SRSF12: variants seen among roughly 807,000 people sequenced by gnomAD.
SRSF12 encodes serine and arginine rich splicing factor 12, also known as serine/arginine-rich splicing factor 12.
SRSF12 carries 21 observed loss-of-function variants against 34.1 expected under a neutral mutation model. The ratio of observed to expected loss-of-function variants is 0.62; its 90% CI spans 0.44 to 0.89. The LOEUF (loss-of-function observed/expected upper bound fraction) is 0.89. Among genes scored for constraint, SRSF12 ranks in the 40% least tolerant of loss-of-function variants. The pLI is 0.00. For missense variants in SRSF12, 278 were observed against 327.8 expected, an observed-to-expected ratio of 0.85 and a Z score of 1.17; for synonymous variants, 111 against 110.8, an observed-to-expected ratio of 1.00 and a Z score of -0.01.
chr6:89,109,940 A>C (rs1422403802), intron 1 of SRSF12, among the ~76,000 whole-genome samples: 1 of 152,030 alleles, frequency 6.6e-6, no homozygotes, highest in African/African-American at 2.4e-5. Flanking sequence ...AAATACAAAA[A>C]ATTAACTGGG....
chr6:89,112,580 CTT>C (rs200726634), intron 1 of SRSF12, among the ~76,000 whole-genome samples: 1 of 144,258 alleles, frequency 6.9e-6, no homozygotes. Context: ...GCCCGGCTAA[CTT>C]TTTTTTTTTG....
In SRSF12 at chr6:89,117,780, C is replaced by T; in HGVS notation, c.65+43G>A. On this transcript the variant is annotated intron_variant, in intron 1 of 4. Transcript: ENST00000452027. ...GTGCTCCGCGGCGCGGCTGTTACCC[C>T]GCCCCTCCTCCGCGCCCCCAACCTG... 2.0e-6 allele frequency: 3 copies of T among 1,520,430 alleles called. No homozygotes were observed. In the East Asian group the frequency reaches 8.5e-5, roughly 43 times the overall value. The allele number at this position is 1,520,430 out of a possible 1,614,324, so 94.2% of individuals were successfully genotyped here.
At chr6:89,111,664 T>C (rs1413414733) in intron 1 of SRSF12, among the ~76,000 whole-genome samples, 1 of 152,190 alleles carries the variant, frequency 6.6e-6, no homozygotes, top group Non-Finnish European at 1.5e-5. Context: ...GGTTAGGACC[T>C]GCAATAAAAC....
Position 89,117,076 on chromosome 6 carries a change from T to C in SRSF12, c.65+747A>G, listed in dbSNP as rs377114993. On this transcript the variant is annotated intron_variant, in intron 1 of 4. Coordinates refer to ENST00000452027, the MANE Select transcript of SRSF12 (RefSeq NM_080743.5). ...TCTTCAGCTCCATTAAGGAAGGAAG[T>C]GCTATATGAAAAAGTCATTCCTTAG... Among the ~76,000 whole-genome samples the C allele has an allele frequency of 9.9e-5, 15 of 151,752 alleles. No individual in the cohort carries two copies. The East Asian group carries it at 2.7e-3, about 28-fold the overall frequency.
At chr6:89,111,949 G>T (rs967329271) in intron 1 of SRSF12, among the ~76,000 whole-genome samples, 19 of 152,166 alleles carry the variant, frequency 1.2e-4, no homozygotes, top group African/African-American at 4.6e-4. Flanking sequence ...CAAAAGCAAA[G>T]ATATTATTTT....
intron 1 of SRSF12, among the ~76,000 whole-genome samples, chr6:89,108,146 T>C (rs537206726): frequency 2.6e-5 from 4 of 152,310 alleles, no homozygotes; most frequent in Non-Finnish European, 4.4e-5. Flanking sequence ...ATGTGCCTTC[T>C]AGTGCGATTA....
intron 1 of SRSF12, among the ~76,000 whole-genome samples, chr6:89,107,586 C>T (rs761464173): frequency 1.3e-5 from 2 of 151,984 alleles, no homozygotes; most frequent in Non-Finnish European, 2.9e-5. Flanking sequence ...CAAAAATCAG[C>T]CAGGTGTGGT....
At chr6:89,117,700 TG>T in intron 1 of SRSF12, 122 bp downstream of exon 1, 3 of 993,946 alleles carry the variant, frequency 3.0e-6, no homozygotes, top group South Asian at 4.5e-5. Context: ...TGGCGCAGCC[TG>T]GGCCCGCGGG....
At chr6:89,116,793 A>G (rs1196810273) in intron 1 of SRSF12, among the ~76,000 whole-genome samples, 2 of 151,554 alleles carry the variant, frequency 1.3e-5, no homozygotes, top group Non-Finnish European at 2.9e-5. Flanking sequence ...AAAAAAAACT[A>G]AAAAATAAAA....
At position 89,103,344 on chromosome 6, in the gene SRSF12, T is replaced by C. The variant is rs1768622864; in HGVS notation, c.416+1775A>G. 2.0e-5 allele frequency among the ~76,000 whole-genome samples: 3 copies of C among 152,052 alleles called. No homozygotes were observed. In the South Asian group the frequency reaches 6.2e-4, roughly 32 times the overall value. ...TCAATTTAAATTCTTTTTTTTTTTT[T>C]TTGAGACAGAGTCTCGCTTTGTCAC... is the stretch of plus-strand genomic sequence containing the variant. On this transcript the variant is annotated intron_variant, in intron 4 of 4. Coordinates refer to ENST00000452027, the MANE Select transcript of SRSF12 (RefSeq NM_080743.5).
intron 2 of SRSF12, chr6:89,106,823 C>T (rs1768810125): frequency 2.7e-6 from 1 of 367,164 alleles, no homozygotes; most frequent in Admixed American, 3.7e-5. Context: ...GAAGTCTCAA[C>T]CTGGTGTTGG....
intron 1 of SRSF12, among the ~76,000 whole-genome samples, chr6:89,116,274 G>T (rs1212629388): frequency 6.6e-6 from 1 of 152,164 alleles, no homozygotes; most frequent in Non-Finnish European, 1.5e-5. Flanking sequence ...CCCTGAAGAG[G>T]CTTGATGCTT....
intron 1 of SRSF12, among the ~76,000 whole-genome samples, chr6:89,115,133 T>G (rs1769233159): frequency 6.6e-6 from 1 of 151,974 alleles, no homozygotes; most frequent in South Asian, 2.1e-4. Flanking sequence ...AAGGTCTCTC[T>G]GTCACCCAGG....
chr6:89,116,966 G>A (rs2127998659), intron 1 of SRSF12, among the ~76,000 whole-genome samples: 1 of 151,112 alleles, frequency 6.6e-6, no homozygotes, highest in Non-Finnish European at 1.5e-5. Context: ...GTACTGCATA[G>A]GTAGAAAGGC....
chr6:89,098,279 G>T lies in SRSF12; in HGVS notation c.*299C>A, dbSNP rs57609499. On this transcript the variant is annotated 3_prime_UTR_variant, in exon 5 of 5. Coordinates refer to ENST00000452027, the MANE Select transcript of SRSF12 (RefSeq NM_080743.5). ...TAATAGTACTAATACTATGCAAGTA[G>T]AATTTTAAAAATTAGTTCCAGTTTA... is the stretch of plus-strand genomic sequence containing the variant. The T allele has an allele frequency of 3.9e-6, 1 of 253,840 alleles. No homozygotes were observed. The highest frequency in any genetic ancestry group is 2.3e-5 in the African/African-American group (1 of 43,868). The allele number at this position is 253,840 out of a possible 1,614,324, so 15.7% of individuals were successfully genotyped here. A position where few individuals can be genotyped will look rare whatever the true frequency, so the allele number is the denominator to read the frequency against.
chr6:89,109,291 G>GT (rs1241562341), intron 1 of SRSF12, among the ~76,000 whole-genome samples: 1 of 152,190 alleles, frequency 6.6e-6, no homozygotes, highest in Non-Finnish European at 1.5e-5. Context: ...GAGACTGAAG[G>GT]TTAAGAATCA....
chr6:89,114,241 A>G (rs1235505536), intron 1 of SRSF12, among the ~76,000 whole-genome samples: 1 of 152,182 alleles, frequency 6.6e-6, no homozygotes, highest in Non-Finnish European at 1.5e-5. Flanking sequence ...CAGCCTGGCC[A>G]ACATGATGAA....
intron 4 of SRSF12, among the ~76,000 whole-genome samples, chr6:89,099,254 A>G (rs971731113): frequency 4.6e-5 from 7 of 151,920 alleles, no homozygotes; most frequent in Non-Finnish European, 8.8e-5. Flanking sequence ...AAATCTGAAG[A>G]AAAAAAGATT....
intron 4 of SRSF12, among the ~76,000 whole-genome samples, chr6:89,099,347 G>C (rs1477236284): frequency 6.7e-6 from 1 of 149,450 alleles, no homozygotes; most frequent in Non-Finnish European, 1.5e-5. Context: ...TGCCATGACA[G>C]AACAGCTTGT....
Sources: allele counts gnomAD v4.1 joint callset (sites outside exome capture counted in the v4.1 genomes callset), GRCh38; gene constraint gnomAD v4.1.1; transcripts MANE v1.5; gene names NCBI Gene and HGNC (gene_info 2026-07-23, HGNC 2026-07-21).